Variants in SLC9A1 observed in about 807,000 individuals in gnomAD.
The protein encoded by SLC9A1 is solute carrier family 9 member A1, also known as sodium/hydrogen exchanger 1.
Under a neutral mutation model 67.9 loss-of-function variants are expected in SLC9A1, and 22 were observed. The ratio of observed to expected loss-of-function variants is 0.32; its 90% CI spans 0.23 to 0.46. SLC9A1 has a LOEUF of 0.46. SLC9A1 is among the 20% of genes least tolerant of loss of function. SLC9A1 has a pLI of 1.00. For synonymous variants in SLC9A1, 421 were observed against 471.8 expected (o/e 0.89, Z 1.40); for missense variants, 686 against 1,094.8 (o/e 0.63, Z 5.27).
intron 2 of SLC9A1, among the ~76,000 whole-genome samples, chr1:27,111,980 G>T (rs1032548669): frequency 1.3e-5 from 2 of 152,206 alleles, no homozygotes; most frequent in African/African-American, 4.8e-5. Context: ...CTCCACAGCA[G>T]TGCTCACCTG....
At chr1:27,113,778 T>G in intron 2 of SLC9A1, 48 bp downstream of exon 2, 3 of 1,431,042 alleles carry the variant, frequency 2.1e-6, no homozygotes, top group South Asian at 1.3e-5. Context: ...TGGGCCTGGA[T>G]TTGGGTTTGT....
intron 1 of SLC9A1, among the ~76,000 whole-genome samples, chr1:27,129,574 G>C (rs527811565): frequency 6.6e-6 from 1 of 152,300 alleles, no homozygotes; most frequent in African/African-American, 2.4e-5. Context: ...CAAGAAGTCA[G>C]AGATTAGAAG....
chr1:27,146,334 A>G (rs1295149455), intron 1 of SLC9A1, among the ~76,000 whole-genome samples: 1 of 152,146 alleles, frequency 6.6e-6, no homozygotes, highest in African/African-American at 2.4e-5. Flanking sequence ...CACCTCTGAG[A>G]AAGGTTATTT....
At position 27,109,863 on chromosome 1, in the gene SLC9A1, C is replaced by T; in HGVS notation, c.814-86G>A. On this transcript the variant is annotated intron_variant, in intron 2 of 11. Coordinates refer to ENST00000263980, the MANE Select transcript of SLC9A1 (RefSeq NM_003047.5). The surrounding 1 kb of genome is among the most constrained non-coding windows in gnomAD (Gnocchi z 5.5). ...GGGTCCACCCAGGGCAATCCTGTCC[C>T]CTCCGTTAACCATGGCCACAAGAAG... The T allele has an allele frequency of 6.8e-7, 1 of 1,467,566 alleles. No homozygotes were observed. The highest frequency in any genetic ancestry group is 9.4e-7 in the Non-Finnish European group (1 of 1,069,112). The allele number at this position is 1,467,566 out of a possible 1,614,324, so 90.9% of individuals were successfully genotyped here. A position where few individuals can be genotyped will look rare whatever the true frequency, so the allele number is the denominator to read the frequency against.
chr1:27,121,355 C>T (rs575230140), intron 1 of SLC9A1, among the ~76,000 whole-genome samples: 4 of 152,252 alleles, frequency 2.6e-5, no homozygotes, highest in East Asian at 1.9e-4. Flanking sequence ...AGGCCAAAAC[C>T]CCAGGTCCAG....
chr1:27,145,830 G>A (rs1308562641), intron 1 of SLC9A1, among the ~76,000 whole-genome samples: 2 of 152,120 alleles, frequency 1.3e-5, no homozygotes, highest in Non-Finnish European at 2.9e-5. Flanking sequence ...CCCCAAAATC[G>A]GCTCTGTATA....
chr1:27,135,528 A>G (rs1320344404), intron 1 of SLC9A1, among the ~76,000 whole-genome samples: 5 of 142,492 alleles, frequency 3.5e-5, no homozygotes, highest in Non-Finnish European at 7.4e-5. Flanking sequence ...TTTTCTGGAA[A>G]AAAAAAAAAA....
intron 1 of SLC9A1, among the ~76,000 whole-genome samples, chr1:27,122,146 C>T (rs1185497809): frequency 6.6e-6 from 1 of 152,010 alleles, no homozygotes; most frequent in Non-Finnish European, 1.5e-5. Flanking sequence ...CAAAAAACCC[C>T]AGTGCAGGTG....
intron 1 of SLC9A1, among the ~76,000 whole-genome samples, chr1:27,138,703 A>G (rs1042934477): frequency 1.3e-5 from 2 of 152,130 alleles, no homozygotes; most frequent in Non-Finnish European, 2.9e-5. Context: ...CAGGCCTGGC[A>G]AGGCAGATGT....
rs2083285772 is a variant in SLC9A1, at chr1:27,118,484, C to T, written c.353-4198G>A. On this transcript the variant is annotated intron_variant, in intron 1 of 11. Transcript: ENST00000263980. The surrounding 1 kb of genome is among the most constrained non-coding windows in gnomAD (Gnocchi z 4.3). ...TCCACCAACTGCGCTCACTCTGCATCCCTGCAGAGTCCCCACAAAGAGCAG... is the reference window on the plus strand; with the variant it reads ...TCCACCAACTGCGCTCACTCTGCATTCCTGCAGAGTCCCCACAAAGAGCAG... 6.6e-6 allele frequency among the ~76,000 whole-genome samples: 1 copy of T among 152,170 alleles called. No homozygotes were observed. Among genetic ancestry groups the T allele is most frequent in the Non-Finnish European group, 1.5e-5 (1 of 68,024 alleles).
intron 1 of SLC9A1, among the ~76,000 whole-genome samples, chr1:27,142,319 G>T (rs2083457729): frequency 1.3e-5 from 2 of 152,186 alleles, no homozygotes; most frequent in African/African-American, 4.8e-5. Flanking sequence ...GCCTCAACTG[G>T]AAAAACAGAG....
At chr1:27,131,905 A>G (rs1184254060) in intron 1 of SLC9A1, among the ~76,000 whole-genome samples, 5 of 143,108 alleles carry the variant, frequency 3.5e-5, no homozygotes, top group Admixed American at 2.8e-4. Flanking sequence ...TGGGCAATAG[A>G]GGGAGAATCC....
intron 1 of SLC9A1, among the ~76,000 whole-genome samples, chr1:27,124,284 G>A (rs564899291): frequency 1.3e-5 from 2 of 152,004 alleles, no homozygotes; most frequent in Non-Finnish European, 2.9e-5. Flanking sequence ...CTTTGCTGGG[G>A]GTACAGTAGA....
At chr1:27,102,901 G>C in intron 6 of SLC9A1, 158 bp from the exon 7 acceptor site, 1 of 677,460 alleles carries the variant, frequency 1.5e-6, no homozygotes, top group Middle Eastern at 4.0e-4. Context: ...TCCACTCATC[G>C]AACCCAGCGG....
Position 27,109,810 on chromosome 1 carries a change from G to A in SLC9A1, c.814-33C>T. On this transcript the variant is annotated intron_variant, in intron 2 of 11. Transcript: ENST00000263980. The surrounding 1 kb of genome is among the most constrained non-coding windows in gnomAD (Gnocchi z 5.5). ...GGGTGTGCAGGCTGGTGGGTGGGAG[G>A]AGAGGGCCCTGGCCCCACGGTTCCC... 6.2e-7 allele frequency: 1 copy of A among 1,611,318 alleles called. No individual in the cohort carries two copies. The highest frequency in any genetic ancestry group is 1.1e-5 in the South Asian group (1 of 90,916).
At chr1:27,131,050 G>A (rs2083380909) in intron 1 of SLC9A1, among the ~76,000 whole-genome samples, 1 of 152,252 alleles carries the variant, frequency 6.6e-6, no homozygotes, top group Non-Finnish European at 1.5e-5. Context: ...TGGCTGCTGA[G>A]ACTGGGCAGG....
At chr1:27,102,229 G>T in intron 8 of SLC9A1, 99 bp from the exon 9 acceptor site, 1 of 1,326,626 alleles carries the variant, frequency 7.5e-7, no homozygotes, top group African/African-American at 1.4e-5. Flanking sequence ...TGACCCAGGT[G>T]GGCGCCAAAG....
intron 4 of SLC9A1, among the ~76,000 whole-genome samples, chr1:27,107,097 C>G (rs1312252065): frequency 6.7e-6 from 1 of 148,170 alleles, no homozygotes; most frequent in African/African-American, 2.5e-5. Context: ...CCCCCAGCCC[C>G]TCCACACACA....
At chr1:27,152,994 C>T (rs1056018753) in intron 1 of SLC9A1, among the ~76,000 whole-genome samples, 1 of 152,212 alleles carries the variant, frequency 6.6e-6, no homozygotes, top group African/African-American at 2.4e-5. Flanking sequence ...ACACCACTTT[C>T]AGGGACTTCT....
Sources: allele counts gnomAD v4.1 joint callset (sites outside exome capture counted in the v4.1 genomes callset), GRCh38; gene constraint gnomAD v4.1.1; non-coding constraint Gnocchi (gnomAD v3.1); transcripts MANE v1.5; gene names NCBI Gene and HGNC (gene_info 2026-07-23, HGNC 2026-07-21).